CALD1: variants seen among roughly 807,000 people sequenced by gnomAD.
The protein encoded by CALD1 is caldesmon.
CALD1 carries 33 observed loss-of-function variants against 99.9 expected under a neutral mutation model. The observed-to-expected ratio is 0.33, with a 90% CI of 0.25 to 0.44. CALD1 has a LOEUF of 0.44. Ranked by LOEUF, CALD1 falls within the 20% of genes least tolerant of loss-of-function variation. The pLI, the probability that CALD1 is intolerant of heterozygous loss-of-function variation, is 1.00. For synonymous variants in CALD1, 310 were observed against 325.0 expected (o/e 0.95, Z 0.50); for missense variants, 861 against 962.1 (o/e 0.89, Z 1.39).
intron 1 of CALD1, among the ~76,000 whole-genome samples, chr7:134,803,644 T>C (rs1411074443): frequency 6.6e-6 from 1 of 152,128 alleles, no homozygotes; most frequent in African/African-American, 2.4e-5. Context: ...CTTTATGAAT[T>C]GTATTGACTC....
In CALD1 at chr7:134,933,193, G is replaced by T; in HGVS notation, c.424G>T (p.Ala142Ser). 1 of 1,612,406 alleles carries T rather than the reference G, an allele frequency of 6.2e-7. No individual in the cohort carries two copies. The highest frequency in any genetic ancestry group is 8.5e-7 in the Non-Finnish European group (1 of 1,179,622). The stretch of plus-strand genomic sequence containing the variant: ...AAGCAGAAGAATGCAAAATGACACA[G>T]CAGAAAATGAAACTACCGAGAAGGA... ...LPSRRMQNDT[A>S]ENETTEKEEK... Residue 142 changes from alanine (A) to serine (S), a missense_variant, in exon 5 of 15, where the codon GCA becomes TCA. By Grantham distance (99) the Ala-to-Ser change is moderately conservative (BLOSUM62 1). Transcript: ENST00000361675.
chr7:134,906,791 T>C (rs946901495), intron 3 of CALD1, among the ~76,000 whole-genome samples: 7 of 152,148 alleles, frequency 4.6e-5, no homozygotes, highest in African/African-American at 1.7e-4. Context: ...GGGCCTCCTA[T>C]AGTCTCCTAG....
chr7:134,717,143 G>A, the CALD1 span, among the ~76,000 whole-genome samples: 1 of 152,146 alleles, frequency 6.6e-6, no homozygotes, highest in African/African-American at 2.4e-5. Flanking sequence ...GTTTCCCCTA[G>A]TGTTAACATC....
chr7:134,914,914 A>T (rs571176113), intron 3 of CALD1, among the ~76,000 whole-genome samples: 1 of 152,320 alleles, frequency 6.6e-6, no homozygotes, highest in South Asian at 2.1e-4. Context: ...AACAGGTCTT[A>T]ACTTCCCTAC....
chr7:134,711,714 GTGTGTGTGTGTGTC>G, the CALD1 span, among the ~76,000 whole-genome samples: 300 of 130,528 alleles, frequency 2.3e-3, 3 homozygotes, highest in Middle Eastern at 7.6e-3. Flanking sequence ...GTGTGTGTGT[GTGTGTGTGTGTGTC>G]TCTCTCTCTG....
intron 1 of CALD1, among the ~76,000 whole-genome samples, chr7:134,820,346 T>A (rs762368700): frequency 8.5e-5 from 13 of 152,200 alleles, no homozygotes; most frequent in Non-Finnish European, 1.9e-4. Flanking sequence ...TATTCAGTTG[T>A]ATGTTGTCAA....
At chr7:134,788,506 C>A (rs903195346) in intron 1 of CALD1, among the ~76,000 whole-genome samples, 8 of 152,162 alleles carry the variant, frequency 5.3e-5, no homozygotes, top group Admixed American at 1.3e-4. Context: ...GAGAGCCAAG[C>A]GGAATACCTC....
intron 3 of CALD1, among the ~76,000 whole-genome samples, chr7:134,896,011 T>C (rs913937000): frequency 2.0e-5 from 3 of 152,174 alleles, no homozygotes; most frequent in Admixed American, 6.5e-5. Flanking sequence ...AAGTCACCTT[T>C]GGTTACCTGT....
At chr7:134,832,411 T>C (rs1799267589) in intron 1 of CALD1, among the ~76,000 whole-genome samples, 1 of 152,210 alleles carries the variant, frequency 6.6e-6, no homozygotes, top group Non-Finnish European at 1.5e-5. Context: ...ACTGACTACC[T>C]GTAACAATTT....
chr7:134,813,348 AT>A (rs1183806422), intron 1 of CALD1, among the ~76,000 whole-genome samples: 1 of 152,172 alleles, frequency 6.6e-6, no homozygotes, highest in Non-Finnish European at 1.5e-5. Flanking sequence ...AAGACTAGAT[AT>A]ATTTTGACAT....
intron 2 of CALD1, among the ~76,000 whole-genome samples, chr7:134,849,739 T>C (rs1800000492): frequency 6.6e-6 from 1 of 152,168 alleles, no homozygotes; most frequent in Non-Finnish European, 1.5e-5. Flanking sequence ...TATGAAATGC[T>C]CATGAGAATC....
At chr7:134,919,369 T>C (rs904874599) in intron 3 of CALD1, among the ~76,000 whole-genome samples, 24 of 152,208 alleles carry the variant, frequency 1.6e-4, no homozygotes, top group African/African-American at 5.8e-4. Context: ...TGCTATGGTA[T>C]GTGTAGACAC....
At chr7:134,748,524 A>G (rs1296776703) in intron 1 of CALD1, among the ~76,000 whole-genome samples, 1 of 152,216 alleles carries the variant, frequency 6.6e-6, no homozygotes, top group Non-Finnish European at 1.5e-5. Context: ...AGCCTGGCCA[A>G]CATGGTGAAG....
intron 1 of CALD1, among the ~76,000 whole-genome samples, chr7:134,813,554 C>T (rs1187026091): frequency 6.6e-6 from 1 of 152,096 alleles, no homozygotes; most frequent in Non-Finnish European, 1.5e-5. Flanking sequence ...CCAGATTCAG[C>T]TGTAAGTATA....
At chr7:134,823,228 G>A (rs1220954778) in intron 1 of CALD1, among the ~76,000 whole-genome samples, 2 of 152,116 alleles carry the variant, frequency 1.3e-5, no homozygotes, top group East Asian at 1.9e-4. Context: ...TGAATGGGAT[G>A]AATAAAATAT....
intron 3 of CALD1, among the ~76,000 whole-genome samples, chr7:134,888,976 C>A (rs1231075226): frequency 7.1e-6 from 1 of 141,534 alleles, no homozygotes; most frequent in African/African-American, 2.8e-5. Flanking sequence ...GAAAGAACCA[C>A]AATTTTTTTT....
intron 1 of CALD1, among the ~76,000 whole-genome samples, chr7:134,819,581 T>C (rs1798691174): frequency 6.6e-6 from 1 of 152,212 alleles, no homozygotes; most frequent in Non-Finnish European, 1.5e-5. Flanking sequence ...CTTAATAAAG[T>C]GTTTAACTAT....
At chr7:134,928,385 T>G (rs1032435408) in intron 3 of CALD1, among the ~76,000 whole-genome samples, 3 of 132,986 alleles carry the variant, frequency 2.3e-5, no homozygotes, top group African/African-American at 8.6e-5. Flanking sequence ...GCCGAGATTG[T>G]GCTGCTGCAC....
intron 3 of CALD1, among the ~76,000 whole-genome samples, chr7:134,902,374 C>T (rs1448954750): frequency 6.6e-6 from 1 of 152,082 alleles, no homozygotes; most frequent in Non-Finnish European, 1.5e-5. Context: ...TTTCCCTTTC[C>T]TGTATATATG....
Sources: allele counts gnomAD v4.1 joint callset (sites outside exome capture counted in the v4.1 genomes callset), GRCh38; gene constraint gnomAD v4.1.1; transcripts MANE v1.5; gene names NCBI Gene and HGNC (gene_info 2026-07-23, HGNC 2026-07-21).